The following JCAD variants were observed in gnomAD, a reference collection of about 807,000 sequenced individuals.
The protein encoded by JCAD is junctional cadherin 5-associated protein.
A neutral mutation model predicts 98.0 loss-of-function variants in JCAD; 40 were observed. The observed-to-expected ratio is 0.41, with a 90% CI of 0.32 to 0.53. The LOEUF is 0.53. JCAD is among the 20% of genes least tolerant of loss of function. JCAD has a pLI of 0.31. For synonymous variants in JCAD, 691 were observed against 682.3 expected, an observed-to-expected ratio of 1.01 and a Z score of -0.20; for missense variants, 1,705 against 1,738.1, an observed-to-expected ratio of 0.98 and a Z score of 0.34.
chr10:30,063,893 C>T (rs1423047314), upstream of JCAD, among the ~76,000 whole-genome samples: 3 of 151,836 alleles, frequency 2.0e-5, no homozygotes, highest in East Asian at 1.9e-4. Flanking sequence ...CTGCAACCTC[C>T]GCGTCAGGGT....
intron 2 of JCAD, among the ~76,000 whole-genome samples, chr10:30,068,992 C>T (rs1394938698): frequency 1.3e-5 from 2 of 152,238 alleles, no homozygotes; most frequent in Non-Finnish European, 2.9e-5. Context: ...CCTGAGGTGC[C>T]TCTTGTTTAT....
chr10:30,054,640 T>C (rs1041722760), intron 1 of JCAD, among the ~76,000 whole-genome samples: 2 of 151,968 alleles, frequency 1.3e-5, no homozygotes, highest in East Asian at 1.9e-4. Context: ...CTTTCATAAA[T>C]GAAATGCTGC....
chr10:30,055,500 T>G (rs1217171121), intron 1 of JCAD, among the ~76,000 whole-genome samples: 1 of 152,202 alleles, frequency 6.6e-6, no homozygotes, highest in African/African-American at 2.4e-5. Flanking sequence ...CTATGAACAA[T>G]AGAATTGCTA....
At chr10:30,084,681 C>T (rs1482102107) in intron 1 of JCAD, among the ~76,000 whole-genome samples, 2 of 152,160 alleles carry the variant, frequency 1.3e-5, no homozygotes, top group African/African-American at 4.8e-5. Flanking sequence ...GAATGTGTAC[C>T]ATCAGCTCTC....
rs556720152 is a variant in JCAD at position 30,039,639 on chromosome 10, C to T, written c.281+7893G>A. On this transcript the variant is annotated intron_variant, in intron 2 of 3. Transcript: ENST00000375377. ...TGAACCTGCAGTTGACACCCAAAGA[C>T]GGCTGCCCAGGGTCAACGGAACAGT... 2.6e-4 allele frequency among the ~76,000 whole-genome samples: 40 copies of T among 152,294 alleles called. 1 individual carries two copies. The South Asian group carries it at 3.3e-3, about 13-fold the overall frequency.
intron 2 of JCAD, among the ~76,000 whole-genome samples, chr10:30,039,202 C>T (rs780561304): frequency 1.1e-4 from 17 of 152,224 alleles, no homozygotes; most frequent in Non-Finnish European, 1.8e-4. Context: ...AGGACCCTGT[C>T]CCTCCACATC....
intron 1 of JCAD, among the ~76,000 whole-genome samples, chr10:30,087,726 C>T (rs893703308): frequency 6.6e-6 from 1 of 152,208 alleles, no homozygotes; most frequent in African/African-American, 2.4e-5. Flanking sequence ...TTGCCCAACT[C>T]AACTGATTTT....
At chr10:30,083,813 G>A (rs896014885) in intron 1 of JCAD, among the ~76,000 whole-genome samples, 9 of 152,092 alleles carry the variant, frequency 5.9e-5, no homozygotes, top group African/African-American at 1.7e-4. Context: ...GATCACTTGA[G>A]CCCATGAGTT....
intron 1 of JCAD, among the ~76,000 whole-genome samples, chr10:30,093,129 G>T (rs894338499): frequency 6.6e-6 from 1 of 152,108 alleles, no homozygotes; most frequent in African/African-American, 2.4e-5. Context: ...ATACACTAAG[G>T]TTCTAGATAT....
intron 2 of JCAD, among the ~76,000 whole-genome samples, chr10:30,032,460 T>C (rs1021402848): frequency 4.6e-5 from 7 of 152,166 alleles, no homozygotes; most frequent in Admixed American, 2.0e-4. Flanking sequence ...GATCAGAGAC[T>C]AGGGCCATGT....
chr10:30,026,966 G>T lies in JCAD; in HGVS notation c.3182C>A (p.Ala1061Asp). 6.2e-7 allele frequency: 1 copy of T among 1,614,130 alleles called. No homozygotes were observed. Among genetic ancestry groups the T allele is most frequent in the Non-Finnish European group, 8.5e-7 (1 of 1,180,008 alleles). ...VGLTPGQEQGASELEGSLGEA... is the reference protein window; with the variant it reads ...VGLTPGQEQGDSELEGSLGEA... The stretch of plus-strand genomic sequence containing the variant: ...ACCCAAAGACCCCTCTAGCTCACTG[G>T]CACCCTGTTCTTGCCCAGGGGTGAG... The change falls in exon 3 of 4, where the codon GCC (alanine) becomes GAC (aspartate). Residue 1061 changes from alanine to aspartate, a missense_variant. Physicochemically the swap from Ala to Asp is moderately radical, Grantham distance 126. Coordinates refer to ENST00000375377, the MANE Select transcript of JCAD (RefSeq NM_020848.4).
At chr10:30,071,138 CAA>C (rs1448268254) in intron 1 of JCAD, among the ~76,000 whole-genome samples, 2 of 152,164 alleles carry the variant, frequency 1.3e-5, no homozygotes, top group African/African-American at 4.8e-5. Flanking sequence ...CTCCTGGCCT[CAA>C]GTGATCCATC....
intron 2 of JCAD, among the ~76,000 whole-genome samples, chr10:30,044,207 CCAG>C (rs1391529536): frequency 6.6e-6 from 1 of 152,118 alleles, no homozygotes; most frequent in African/African-American, 2.4e-5. Flanking sequence ...CATAAATTAC[CCAG>C]CCTGTTACAG....
At chr10:30,055,084 A>G (rs1029951707) in intron 1 of JCAD, among the ~76,000 whole-genome samples, 2 of 152,248 alleles carry the variant, frequency 1.3e-5, no homozygotes, top group African/African-American at 4.8e-5. Context: ...TATATGGTAC[A>G]TGTGCCTTAT....
At chr10:30,100,926 T>A (rs373139049) in intron 1 of JCAD, among the ~76,000 whole-genome samples, 1 of 152,182 alleles carries the variant, frequency 6.6e-6, no homozygotes, top group African/African-American at 2.4e-5. Context: ...TAACTGGAAG[T>A]GGGACTTCCA....
At chr10:30,044,281 C>T (rs775425188) in intron 2 of JCAD, among the ~76,000 whole-genome samples, 25 of 152,188 alleles carry the variant, frequency 1.6e-4, no homozygotes, top group Admixed American at 1.3e-4. Context: ...TGCCAACATG[C>T]CTAGGTCTCC....
chr10:30,017,807 G>C lies in JCAD; in HGVS notation c.*76C>G. 2.3e-6 allele frequency: 3 copies of C among 1,328,550 alleles called. No individual in the cohort carries two copies. The highest frequency in any genetic ancestry group is 3.3e-6 in the Non-Finnish European group (3 of 920,166). 82.3% of individuals were successfully genotyped at this position (1,328,550 alleles called of 1,614,324 possible). A position where few individuals can be genotyped will look rare whatever the true frequency, so the allele number is the denominator to read the frequency against. On this transcript the variant is annotated 3_prime_UTR_variant, in exon 4 of 4. Coordinates refer to ENST00000375377, the MANE Select transcript of JCAD (RefSeq NM_020848.4). ...CTTCCAGCTTCTACATGGGGAAGTG[G>C]GGCTGATAGACTAAATCTACCAGCT...
At chr10:30,073,912 A>G (rs2132674279) in intron 1 of JCAD, among the ~76,000 whole-genome samples, 1 of 152,310 alleles carries the variant, frequency 6.6e-6, no homozygotes. Context: ...GGGAACCCAG[A>G]TAGCACAAGA....
chr10:30,018,849 T>C (rs1836594323), intron 3 of JCAD, among the ~76,000 whole-genome samples: 1 of 152,190 alleles, frequency 6.6e-6, no homozygotes, highest in African/African-American at 2.4e-5. Flanking sequence ...GGAAACATTA[T>C]GGAAGTTCCT....
Sources: gnomAD v4.1 joint callset for allele counts (sites outside exome capture counted in the v4.1 genomes callset) on GRCh38, gnomAD v4.1.1 for gene constraint, MANE v1.5 for transcripts, NCBI Gene and HGNC (gene_info 2026-07-23, HGNC 2026-07-21) for gene names.